Variants in FAT2 observed in about 807,000 individuals in gnomAD.
FAT2 encodes the protein FAT atypical cadherin 2, also known as protocadherin Fat 2.
In FAT2, 150 loss-of-function variants were observed where a neutral mutation model predicts 295.3. That is an observed-to-expected ratio of 0.51 (90% CI 0.44 to 0.58). FAT2 has a LOEUF of 0.58. Among genes scored for constraint, FAT2 ranks in the 20% least tolerant of loss-of-function variants. FAT2 has a pLI of 0.00. For synonymous variants in FAT2, 2,026 were observed against 2,150.3 expected (o/e 0.94, Z 1.60); for missense variants, 4,868 against 5,442.7 (o/e 0.89, Z 3.32).
At chr5:151,547,151 A>G (rs1285181381) in intron 9 of FAT2, among the ~76,000 whole-genome samples, 1 of 152,252 alleles carries the variant, frequency 6.6e-6, no homozygotes, top group Non-Finnish European at 1.5e-5. Context: ...CATATTGCTT[A>G]CCATAAATCA....
chr5:151,509,833 T>G, intron 22 of FAT2, 188 bp downstream of exon 22: 2 of 625,956 alleles, frequency 3.2e-6, no homozygotes, highest in Non-Finnish European at 5.7e-6. Flanking sequence ...GTGGAAAAAG[T>G]GTCTTCCATG....
chr5:151,506,264 CA>C (rs1760864593), intron 23 of FAT2, among the ~76,000 whole-genome samples, 167 bp from the exon 24 acceptor site: 1 of 152,222 alleles, frequency 6.6e-6, no homozygotes, highest in African/African-American at 2.4e-5. Flanking sequence ...ACATAGAATC[CA>C]ATGGGACAAG....
rs146171110 is a variant in FAT2 at position 151,559,960 on chromosome 5, G to A, written c.3574+3365C>T. ...CCCTTCCTGGATGAGGTGGCGCTCA[G>A]TGGACTTCACTCTTACCATTTTTCT... On this transcript the variant is annotated intron_variant, in intron 3 of 23. Coordinates refer to ENST00000261800, the MANE Select transcript of FAT2 (RefSeq NM_001447.3). 6.6e-4 allele frequency among the ~76,000 whole-genome samples: 100 copies of A among 152,288 alleles called. 2 individuals carry two copies. Among genetic ancestry groups the A allele is most frequent in the African/African-American group, 2.3e-3 (94 of 41,570 alleles).
Position 151,504,972 on chromosome 5 carries a change from A to T in FAT2, c.*593T>A, listed in dbSNP as rs1760729280. ...CACCATTTTCTCCCCGGTGCAAAGC[A>T]CAGTGCCTGACGTGGAGCAGACACT... On this transcript the variant is annotated 3_prime_UTR_variant, in exon 24 of 24. Transcript: ENST00000261800. 1 of 153,394 alleles carries T rather than the reference A, an allele frequency of 6.5e-6. No individual in the cohort carries two copies. Among genetic ancestry groups the T allele is most frequent in the South Asian group, 2.1e-4 (1 of 4,872 alleles). 9.5% of individuals were successfully genotyped at this position (153,394 alleles called of 1,614,324 possible).
rs767382741 is a variant in FAT2 at position 151,531,562 on chromosome 5, G to A, written c.9811+25C>T. 20 of 1,611,294 alleles carry A rather than the reference G, an allele frequency of 1.2e-5. No homozygotes were observed. The South Asian group carries it at 1.5e-4, about 12-fold the overall frequency. ...CCAGAAACCCTGTACGCGATGCTTT[G>A]GGGCTTGGTGGATCAGGCTCTCACC... On this transcript the variant is annotated intron_variant, in intron 14 of 23. Transcript: ENST00000261800. This position sits in a 1 kb window ranked among gnomAD's most constrained non-coding sequence, Gnocchi z 5.7.
At chr5:151,509,943 T>C (rs1761190109) in intron 22 of FAT2, 78 bp downstream of exon 22, 6 of 1,523,350 alleles carry the variant, frequency 3.9e-6, no homozygotes, top group Non-Finnish European at 5.4e-6. Context: ...TGGCCTCCCA[T>C]TGGACTTTCT....
chr5:151,534,426 G>A lies in FAT2; in HGVS notation c.9410C>T (p.Ala3137Val), dbSNP rs1755008767. ...TVKTPVAVVFARDPDQGANAQ... is the reference protein window; with the variant it reads ...TVKTPVAVVFVRDPDQGANAQ... ...AGACTCACCTTGGTCGGGATCCCGG[G>A]CAAATACTACAGCCACAGGGGTCTT... is the stretch of plus-strand genomic sequence containing the variant. Residue 3137 changes from alanine to valine, a missense_variant, in exon 13 of 24, where the codon GCC (alanine) becomes GTC (valine). Coordinates refer to ENST00000261800, the MANE Select transcript of FAT2 (RefSeq NM_001447.3). 1 of 1,607,860 alleles carries A rather than the reference G, an allele frequency of 6.2e-7. No individual in the cohort carries two copies. Among genetic ancestry groups the A allele is most frequent in the Non-Finnish European group, 8.5e-7 (1 of 1,175,778 alleles).
intron 17 of FAT2, 102 bp from the exon 18 acceptor site, chr5:151,526,067 T>C (rs2127585163): frequency 2.7e-6 from 3 of 1,103,720 alleles, no homozygotes; most frequent in Non-Finnish European, 4.0e-6. Context: ...CTCAGCACTC[T>C]GACTGCTTGT....
chr5:151,523,170 A>C (rs1753659564), intron 18 of FAT2, among the ~76,000 whole-genome samples: 1 of 152,176 alleles, frequency 6.6e-6, no homozygotes, highest in Admixed American at 6.5e-5. Context: ...CTACTGCTGG[A>C]AGTCATGCAT....
chr5:151,506,783 C>T (rs1428744362), intron 23 of FAT2, among the ~76,000 whole-genome samples: 1 of 152,242 alleles, frequency 6.6e-6, no homozygotes, highest in Non-Finnish European at 1.5e-5. Flanking sequence ...GGCTGCTGCA[C>T]TTCCACACTG....
At chr5:151,532,209 C>T (rs535431886) in intron 13 of FAT2, among the ~76,000 whole-genome samples, 3 of 152,170 alleles carry the variant, frequency 2.0e-5, no homozygotes, top group African/African-American at 7.2e-5. Context: ...TCAAACTATC[C>T]GAAAATATTA....
chr5:151,548,332 G>T (rs926359650), intron 9 of FAT2, among the ~76,000 whole-genome samples: 6 of 151,430 alleles, frequency 4.0e-5, no homozygotes, highest in Non-Finnish European at 7.4e-5. Context: ...CATTAATTAT[G>T]TATTATAATT....
chr5:151,506,065 T>C lies in FAT2; in HGVS notation c.12550A>G (p.Thr4184Ala), dbSNP rs780543418. 1.3e-6 allele frequency: 2 copies of C among 1,543,226 alleles called. No individual in the cohort carries two copies. The highest frequency in any genetic ancestry group is 2.1e-5 in the Admixed American group (1 of 48,564). Residue 4184 changes from threonine (T) to alanine (A), a missense_variant, in exon 24 of 24, where the codon ACT becomes GCT. By Grantham distance (58) the Thr-to-Ala change is moderately conservative. Coordinates refer to ENST00000261800, the MANE Select transcript of FAT2 (RefSeq NM_001447.3). The stretch of plus-strand genomic sequence containing the variant: ...TCCCAGCGTTCGTTCCTGGAGTAAG[T>C]AGGGGGCCAGACCATGGCTCCGCCA... Reference protein sequence around the residue: ...YPGGAMVWPPTYSRNERWEYP... With the variant: ...YPGGAMVWPPAYSRNERWEYP...
At position 151,527,293 on chromosome 5, in the gene FAT2, C is replaced by T. The variant is rs137943589; in HGVS notation, c.10249G>A (p.Ala3417Thr). The change falls in exon 17 of 24, where the codon GCT becomes ACT. Residue 3417 changes from alanine to threonine, a missense_variant. This residue lies in a region of FAT2 where 1,046 missense variants were observed against 1,210.1 expected (regional missense o/e 0.86). Coordinates refer to ENST00000261800, the MANE Select transcript of FAT2 (RefSeq NM_001447.3). ...CTCGGTGGGTTATCATTGACATCAG[C>T]CACTTGGATAGCGATGTCTGTGTCC... ...HEDTDIAIQVADVNDNPPRFF... is the reference protein window; with the variant it reads ...HEDTDIAIQVTDVNDNPPRFF... The T allele has an allele frequency of 1.2e-6, 2 of 1,608,320 alleles. No homozygotes were observed. The highest frequency in any genetic ancestry group is 2.7e-5 in the African/African-American group (2 of 73,982).
intron 22 of FAT2, among the ~76,000 whole-genome samples, chr5:151,508,543 C>A (rs995102190): frequency 3.9e-5 from 6 of 152,076 alleles, no homozygotes; most frequent in African/African-American, 1.4e-4. Flanking sequence ...AACCCCGTAT[C>A]TACTAAAAAT....
intron 1 of FAT2, among the ~76,000 whole-genome samples, chr5:151,587,203 G>T (rs1433063689): frequency 6.6e-6 from 1 of 151,906 alleles, no homozygotes; most frequent in Non-Finnish European, 1.5e-5. Flanking sequence ...AATTGTTGAA[G>T]CTGAGTGATA....
rs368074191 is a variant in FAT2 at position 151,549,334 on chromosome 5, G to T, written c.4750C>A (p.Arg1584=). The part of the protein sequence containing the change: ...LLQVRAMDAD[R]GVNAEVHYSL... The stretch of plus-strand genomic sequence containing the variant: ...TAGTGGACCTCAGCATTGACTCCCC[G>T]GTCAGCATCCATGGCTCGGACCTGC... The change falls in exon 9 of 24, where the codon CGG becomes AGG. Residue 1584 remains arginine (R), a synonymous_variant. Coordinates refer to ENST00000261800, the MANE Select transcript of FAT2 (RefSeq NM_001447.3). 1 of 1,613,496 alleles carries T rather than the reference G, an allele frequency of 6.2e-7. No individual in the cohort carries two copies. The highest frequency in any genetic ancestry group is 8.5e-7 in the Non-Finnish European group (1 of 1,180,000).
chr5:151,532,895 G>A (rs902066676), intron 13 of FAT2, among the ~76,000 whole-genome samples: 11 of 152,194 alleles, frequency 7.2e-5, no homozygotes, highest in African/African-American at 2.4e-4. Context: ...AGTAGCCTCT[G>A]AGAAGAGTTG....
intron 13 of FAT2, among the ~76,000 whole-genome samples, chr5:151,533,904 T>A (rs1432644): frequency 0.18 from 27,539 of 152,030 alleles, 3,046 homozygotes; most frequent in East Asian, 0.41. Flanking sequence ...CAATTTACCT[T>A]GTAAATTTTA....
Sources: gnomAD v4.1 joint callset for allele counts (sites outside exome capture counted in the v4.1 genomes callset) on GRCh38, gnomAD v4.1.1 for gene constraint, gnomAD v4.1.1 regional missense constraint, Gnocchi (gnomAD v3.1) non-coding constraint, MANE v1.5 for transcripts, NCBI Gene and HGNC (gene_info 2026-07-23, HGNC 2026-07-21) for gene names.